The following SMS variants were observed in gnomAD, a reference collection of about 807,000 sequenced individuals.
The protein encoded by SMS is spermidine aminopropyltransferase.
Under a neutral mutation model 33.0 loss-of-function variants are expected in SMS, and 3 were observed. That is an observed-to-expected ratio of 0.09 (90% CI 0.04 to 0.23). The LOEUF is 0.23. SMS is among the 10% of genes least tolerant of loss of function. The pLI is 1.00. For synonymous variants in SMS, 103 were observed against 112.2 expected, an observed-to-expected ratio of 0.92 and a Z score of 0.52; for missense variants, 117 against 288.6, an observed-to-expected ratio of 0.41 and a Z score of 4.31.
intron 1 of SMS, among the ~76,000 whole-genome samples, chrX:21,961,915 CTA>C (rs1923385977): frequency 8.9e-6 from 1 of 112,517 alleles, no homozygotes; most frequent in African/African-American, 3.2e-5. Flanking sequence ...ATTTGGATGA[CTA>C]TGTCTCCTTC....
Position 21,959,905 on chromosome X carries a change from A to G in SMS, c.50-7291A>G, listed in dbSNP as rs905957399. On this transcript the variant is annotated intron_variant, in intron 1 of 10. Coordinates refer to ENST00000404933, the MANE Select transcript of SMS (RefSeq NM_004595.5). ...TCGCACACCATCTTCCCGTGGAGAG[A>G]GTGCAGATCCCTGAAAGGAGCAGGC... The G allele has an allele frequency of 5.3e-6, 4 of 751,929 alleles. No individual in the cohort carries two copies. The South Asian group carries it at 2.0e-4, about 38-fold the overall frequency. 62.0% of individuals were successfully genotyped at this position (751,929 alleles called of 1,213,427 possible).
intron 7 of SMS, among the ~76,000 whole-genome samples, chrX:21,981,319 C>CA (rs11373560): frequency 0.21 from 20,085 of 96,541 alleles, 1,816 homozygotes; most frequent in East Asian, 0.35. Context: ...GACTCCGTCT[C>CA]AAAAAAAAAA....
At chrX:21,963,118 A>G (rs1177435794) in intron 1 of SMS, among the ~76,000 whole-genome samples, 1 of 112,349 alleles carries the variant, frequency 8.9e-6, no homozygotes, top group African/African-American at 3.2e-5. Flanking sequence ...CAAGATGACT[A>G]AGTGAGCCAC....
intron 1 of SMS, chrX:21,959,884 A>G: frequency 2.7e-6 from 2 of 751,538 alleles, no homozygotes; most frequent in South Asian, 1.3e-4. Flanking sequence ...GCCAGCTCGC[A>G]CACCATCTTC....
At chrX:21,955,837 T>G (rs936911750) in intron 1 of SMS, among the ~76,000 whole-genome samples, 3 of 112,217 alleles carry the variant, frequency 2.7e-5, no homozygotes, top group Non-Finnish European at 5.6e-5. Flanking sequence ...CACAAACTAA[T>G]GGATAATATT....
intron 1 of SMS, among the ~76,000 whole-genome samples, chrX:21,953,016 G>C (rs1325068428): frequency 9.2e-6 from 1 of 108,920 alleles, no homozygotes; most frequent in Non-Finnish European, 1.9e-5. Context: ...ACGCACCTTG[G>C]CCTCCCAAAG....
At chrX:21,967,864 A>G (rs1183966134) in intron 2 of SMS, among the ~76,000 whole-genome samples, 1 of 111,867 alleles carries the variant, frequency 8.9e-6, no homozygotes, top group Non-Finnish European at 1.9e-5. Context: ...CGGTAGGTCA[A>G]CTCCCTGGAG....
intron 1 of SMS, among the ~76,000 whole-genome samples, chrX:21,946,318 C>G (rs2147486761): frequency 8.9e-6 from 1 of 111,969 alleles, no homozygotes; most frequent in South Asian, 3.7e-4. Flanking sequence ...GGCACATGTC[C>G]CTAGTTATTC....
At chrX:21,993,100 C>G (rs1356251245) in intron 10 of SMS, among the ~76,000 whole-genome samples, 4 of 112,061 alleles carry the variant, frequency 3.6e-5, no homozygotes, top group Non-Finnish European at 5.6e-5. Context: ...AGGTGGGGGC[C>G]CAGTGACCTG....
chrX:21,975,208 G>A (rs778479288), intron 4 of SMS, among the ~76,000 whole-genome samples: 3 of 111,081 alleles, frequency 2.7e-5, no homozygotes, highest in African/African-American at 6.5e-5. Flanking sequence ...GTGCTCTACA[G>A]TACCTCCTGG....
chrX:21,972,646 C>T, intron 4 of SMS, 75 bp downstream of exon 4: 1 of 705,522 alleles, frequency 1.4e-6, no homozygotes, highest in Non-Finnish European at 2.3e-6. Flanking sequence ...CGGTAGCTCA[C>T]ACCTGTAATC....
intron 1 of SMS, among the ~76,000 whole-genome samples, chrX:21,945,228 A>G (rs930227871): frequency 1.8e-5 from 2 of 111,725 alleles, no homozygotes; most frequent in African/African-American, 6.5e-5. Context: ...AGTTTATGTT[A>G]TGGTAAAGGT....
At chrX:21,952,265 C>G (rs771073774) in intron 1 of SMS, among the ~76,000 whole-genome samples, 2 of 111,578 alleles carry the variant, frequency 1.8e-5, no homozygotes, top group African/African-American at 6.5e-5. Context: ...TGTAGATACC[C>G]TTTATCAAGT....
chrX:21,965,463 C>T lies in SMS; in HGVS notation c.50-1733C>T, dbSNP rs1352520288. Among the ~76,000 whole-genome samples the T allele has an allele frequency of 2.7e-5, 3 of 109,412 alleles. No individual in the cohort carries two copies. The Admixed American group carries it at 3.0e-4, about 11-fold the overall frequency. On this transcript the variant is annotated intron_variant, in intron 1 of 10. Coordinates refer to ENST00000404933, the MANE Select transcript of SMS (RefSeq NM_004595.5). The stretch of plus-strand genomic sequence containing the variant: ...ACCAGCCTGGGCAATATGGTGAAAC[C>T]CCATCGCTACCAAAAATGTACAAAA...
intron 4 of SMS, among the ~76,000 whole-genome samples, chrX:21,974,187 T>G (rs1397820636): frequency 8.9e-6 from 1 of 112,720 alleles, no homozygotes; most frequent in East Asian, 2.8e-4. Flanking sequence ...TTTAAGTACT[T>G]AATTACTCAG....
At chrX:21,943,690 G>A (rs778636415) in intron 1 of SMS, among the ~76,000 whole-genome samples, 5 of 111,143 alleles carry the variant, frequency 4.5e-5, no homozygotes, top group Non-Finnish European at 7.5e-5. Context: ...GTCATTACAA[G>A]TGTTCTGGGC....
chrX:21,948,439 C>CT (rs59082770), intron 1 of SMS, among the ~76,000 whole-genome samples: 968 of 80,169 alleles, frequency 0.012, 12 homozygotes, highest in Middle Eastern at 0.02. Flanking sequence ...GTCAATGTGT[C>CT]TTTTTTTTTT....
intron 10 of SMS, among the ~76,000 whole-genome samples, chrX:21,993,688 C>T (rs1364271816): frequency 8.9e-6 from 1 of 112,286 alleles, no homozygotes; most frequent in East Asian, 2.8e-4. Flanking sequence ...TGGCCGTGTC[C>T]CTCCACAGCC....
intron 1 of SMS, among the ~76,000 whole-genome samples, chrX:21,951,841 A>G (rs997340346): frequency 9.1e-6 from 1 of 110,114 alleles, no homozygotes; most frequent in African/African-American, 3.3e-5. Flanking sequence ...GGCTGCAGGA[A>G]CTGTTCAAGT....
Sources: gnomAD v4.1 joint callset for allele counts (sites outside exome capture counted in the v4.1 genomes callset) on GRCh38, gnomAD v4.1.1 for gene constraint, MANE v1.5 for transcripts, NCBI Gene and HGNC (gene_info 2026-07-23, HGNC 2026-07-21) for gene names.